Variants in NAV2 observed in about 807,000 individuals in gnomAD.
NAV2 encodes helicase, APC down-regulated 1.
A neutral mutation model predicts 223.2 loss-of-function variants in NAV2; 54 were observed. That is an observed-to-expected ratio of 0.24 (90% CI 0.19 to 0.30). The LOEUF (loss-of-function observed/expected upper bound fraction) is 0.30. NAV2 is among the 10% of genes least tolerant of loss of function. NAV2 has a pLI of 1.00. For synonymous variants in NAV2, 1,279 were observed against 1,239.3 expected, an observed-to-expected ratio of 1.03 and a Z score of -0.67; for missense variants, 2,806 against 3,147.5, an observed-to-expected ratio of 0.89 and a Z score of 2.60.
intron 6 of NAV2, among the ~76,000 whole-genome samples, chr11:19,929,115 A>C (rs1266904363): frequency 6.6e-6 from 1 of 152,070 alleles, no homozygotes; most frequent in East Asian, 1.9e-4. Flanking sequence ...CACATACACA[A>C]AAATTAGCCA....
chr11:19,723,690 C>T (rs1036076460), intron 1 of NAV2, among the ~76,000 whole-genome samples: 2 of 152,336 alleles, frequency 1.3e-5, no homozygotes. Flanking sequence ...GCAATCTGGG[C>T]AGGATCTCCT....
At chr11:19,477,974 C>A (rs147719711) in intron 1 of NAV2, among the ~76,000 whole-genome samples, 2 of 152,300 alleles carry the variant, frequency 1.3e-5, no homozygotes, top group East Asian at 3.9e-4. Context: ...AATACAAAGG[C>A]TAACTTGCTG....
chr11:19,851,331 G>C (rs952846894), intron 3 of NAV2, among the ~76,000 whole-genome samples: 1 of 152,176 alleles, frequency 6.6e-6, no homozygotes, highest in Non-Finnish European at 1.5e-5. Context: ...CTATGACATG[G>C]AAAGGCAGAC....
At chr11:19,472,400 A>G (rs1182244092) in intron 1 of NAV2, among the ~76,000 whole-genome samples, 1 of 152,172 alleles carries the variant, frequency 6.6e-6, no homozygotes, top group African/African-American at 2.4e-5. Flanking sequence ...TTGTCCCGAG[A>G]ATTCAGTAAT....
chr11:19,842,429 G>A (rs961477975), intron 2 of NAV2, among the ~76,000 whole-genome samples: 2 of 152,162 alleles, frequency 1.3e-5, no homozygotes, highest in African/African-American at 4.8e-5. Context: ...ATATTAATCT[G>A]GCCAAAGATG....
intron 1 of NAV2, among the ~76,000 whole-genome samples, chr11:19,351,901 C>T (rs1174253244): frequency 6.7e-6 from 1 of 148,796 alleles, no homozygotes; most frequent in Non-Finnish European, 1.5e-5. Flanking sequence ...TTGACTCTTC[C>T]CAGTGTGAAA....
rs979343435 is a variant in NAV2, at chr11:20,120,978, T to C, written c.*2720T>C. On this transcript the variant is annotated 3_prime_UTR_variant, in exon 38 of 38. Coordinates refer to ENST00000349880, the MANE Select transcript of NAV2 (RefSeq NM_145117.5). ...TGAGTTACCAATGGAAGCCAAAAGT[T>C]CTCTTCCCAAACTGCCAAGAATGAT... The C allele has an allele frequency of 2.6e-5, 4 of 152,462 alleles. No homozygotes were observed. The highest frequency in any genetic ancestry group is 9.7e-5 in the African/African-American group (4 of 41,412). The allele number at this position is 152,462 out of a possible 1,614,324, so 9.4% of individuals were successfully genotyped here.
intron 1 of NAV2, among the ~76,000 whole-genome samples, chr11:19,552,642 G>A (rs978123760): frequency 2.0e-5 from 3 of 152,208 alleles, no homozygotes; most frequent in Admixed American, 2.0e-4. Context: ...ATGAAGGACG[G>A]TAGGACCATA....
intron 6 of NAV2, among the ~76,000 whole-genome samples, chr11:19,897,221 C>G (rs563416244): frequency 2.0e-5 from 3 of 151,900 alleles, no homozygotes; most frequent in African/African-American, 7.2e-5. Flanking sequence ...CATCACACAC[C>G]GGGGCCTGTT....
chr11:19,692,753 G>C (rs1025737919), intron 1 of NAV2, among the ~76,000 whole-genome samples: 1 of 152,144 alleles, frequency 6.6e-6, no homozygotes, highest in African/African-American at 2.4e-5. Flanking sequence ...GCCAGGCATC[G>C]TTCTAGACTC....
chr11:19,421,878 T>C (rs1011215874), intron 1 of NAV2, among the ~76,000 whole-genome samples: 2 of 145,332 alleles, frequency 1.4e-5, no homozygotes, highest in Non-Finnish European at 3.0e-5. Flanking sequence ...GTGGTGAGAA[T>C]ACAGGGCTTC....
rs1204696986 is a variant in NAV2 at position 19,602,173 on chromosome 11, C to CTTTTTTTTTT, written c.76-230298_76-230289dup. On this transcript the variant is annotated intron_variant, in intron 1 of 37. Coordinates refer to the NAV2 transcript ENST00000360655. ...AGGCAAGGAGTGCATCTCTACAAGT[C>CTTTTTTTTTT]TTTTTTTTTTTTTTTTTTTTTTGAG... Among the ~76,000 whole-genome samples, 3 of 116,260 alleles carry CTTTTTTTTTT rather than the reference C, an allele frequency of 2.6e-5. 1 individual carries two copies. The highest frequency in any genetic ancestry group is 1.0e-4 in the African/African-American group (3 of 28,656). The allele number at this position is 116,260 out of a possible 152,430, so 76.3% of individuals were successfully genotyped here.
intron 1 of NAV2, among the ~76,000 whole-genome samples, chr11:19,566,003 G>A (rs993033651): frequency 6.7e-6 from 1 of 149,160 alleles, no homozygotes; most frequent in African/African-American, 2.5e-5. Flanking sequence ...CAGGACACTG[G>A]GCTGCAGCAT....
intron 1 of NAV2, among the ~76,000 whole-genome samples, chr11:19,397,425 A>ATGTG (rs1849506661): frequency 1.4e-5 from 2 of 141,454 alleles, no homozygotes; most frequent in South Asian, 2.6e-4. Context: ...GTGTGCGCGC[A>ATGTG]TGTGTGTGTA....
intron 1 of NAV2, among the ~76,000 whole-genome samples, chr11:19,490,884 G>A (rs145602441): frequency 1.3e-5 from 2 of 152,182 alleles, no homozygotes; most frequent in Non-Finnish European, 2.9e-5. Flanking sequence ...AGGCTTCAAA[G>A]TTGTAATTAT....
intron 11 of NAV2, among the ~76,000 whole-genome samples, chr11:20,031,292 A>G (rs1277213206): frequency 6.6e-6 from 1 of 152,198 alleles, no homozygotes; most frequent in Admixed American, 6.5e-5. Flanking sequence ...AACTGCTTTC[A>G]ACATTTATTG....
At chr11:19,402,671 G>A (rs555268296) in intron 1 of NAV2, among the ~76,000 whole-genome samples, 46 of 152,258 alleles carry the variant, frequency 3.0e-4, no homozygotes, top group Middle Eastern at 3.4e-3. Context: ...ACATTTATTG[G>A]ATAACAGAAT....
At chr11:19,649,764 T>G (rs562362965) in intron 1 of NAV2, among the ~76,000 whole-genome samples, 1 of 152,272 alleles carries the variant, frequency 6.6e-6, no homozygotes, top group Non-Finnish European at 1.5e-5. Context: ...AAACAATCAA[T>G]GCAATTAAAA....
At chr11:19,523,672 A>T (rs189664897) in intron 1 of NAV2, among the ~76,000 whole-genome samples, 10 of 152,318 alleles carry the variant, frequency 6.6e-5, no homozygotes, top group Admixed American at 5.2e-4. Context: ...GGGCCCCCAC[A>T]TTGACTTAAT....
Sources: allele counts gnomAD v4.1 joint callset (sites outside exome capture counted in the v4.1 genomes callset), GRCh38; gene constraint gnomAD v4.1.1; transcripts MANE v1.5; gene names NCBI Gene and HGNC (gene_info 2026-07-23, HGNC 2026-07-21).